The following ITPR2 variants were observed in gnomAD, a reference collection of about 807,000 sequenced individuals.
ITPR2 encodes the protein inositol 1,4,5-trisphosphate receptor type 2.
In ITPR2, 207 loss-of-function variants were observed where a neutral mutation model predicts 317.1. That is an observed-to-expected ratio of 0.65 (90% CI 0.58 to 0.73). ITPR2 has a LOEUF of 0.73. ITPR2 is among the 30% of genes least tolerant of loss of function. The probability of loss-of-function intolerance (pLI) is 0.00; values close to 1 mark genes in which losing one functional copy is unlikely to be tolerated. For missense variants in ITPR2, 2,613 were observed against 3,284.0 expected, an observed-to-expected ratio of 0.80 and a Z score of 4.99; for synonymous variants, 1,156 against 1,149.1, an observed-to-expected ratio of 1.01 and a Z score of -0.12.
At chr12:26,394,875 GA>G (rs1939948615) in intron 54 of ITPR2, among the ~76,000 whole-genome samples, 1 of 151,956 alleles carries the variant, frequency 6.6e-6, no homozygotes, top group Non-Finnish European at 1.5e-5. Context: ...ACCTGGAAGA[GA>G]AAAAAGGAGA....
intron 55 of ITPR2, among the ~76,000 whole-genome samples, chr12:26,345,640 C>CTT (rs1209232723): frequency 7.9e-5 from 12 of 152,200 alleles, no homozygotes; most frequent in Admixed American, 7.9e-4. Context: ...TAGCAGCATT[C>CTT]TTACACAGTG....
At chr12:26,478,043 G>A (rs1942456894) in intron 43 of ITPR2, among the ~76,000 whole-genome samples, 2 of 152,148 alleles carry the variant, frequency 1.3e-5, no homozygotes, top group South Asian at 4.1e-4. Context: ...ATCATAGAAT[G>A]AAAATTAAAC....
chr12:26,706,362 T>C (rs975761337), intron 9 of ITPR2, among the ~76,000 whole-genome samples: 2 of 152,174 alleles, frequency 1.3e-5, no homozygotes, highest in Admixed American at 1.3e-4. Context: ...CTCCTTGATA[T>C]ATATGGCCTG....
chr12:26,662,776 G>T (rs1947531690), intron 15 of ITPR2, among the ~76,000 whole-genome samples: 3 of 152,122 alleles, frequency 2.0e-5, no homozygotes, highest in African/African-American at 7.2e-5. Context: ...AGGCTGAAGT[G>T]ATCCTCCAGC....
intron 37 of ITPR2, among the ~76,000 whole-genome samples, chr12:26,532,427 C>T (rs1943968032): frequency 6.6e-6 from 1 of 152,190 alleles, no homozygotes; most frequent in South Asian, 2.1e-4. Flanking sequence ...GTTGCACAGG[C>T]TGGAGTGCAA....
chr12:26,641,181 T>C (rs995230638), intron 21 of ITPR2, among the ~76,000 whole-genome samples: 1 of 152,026 alleles, frequency 6.6e-6, no homozygotes, highest in African/African-American at 2.4e-5. Context: ...AGACTTGCAA[T>C]TGAAACTTTT....
At chr12:26,728,946 C>A (rs1391806396) in intron 2 of ITPR2, among the ~76,000 whole-genome samples, 1 of 152,122 alleles carries the variant, frequency 6.6e-6, no homozygotes, top group Non-Finnish European at 1.5e-5. Context: ...GGATATTAGA[C>A]CTTTGTTGGA....
At chr12:26,351,944 A>G (rs1938495597) in intron 55 of ITPR2, among the ~76,000 whole-genome samples, 1 of 152,254 alleles carries the variant, frequency 6.6e-6, no homozygotes, top group Admixed American at 6.5e-5. Context: ...GCTGAGATAG[A>G]CAAAAACTAG....
chr12:26,437,158 A>G (rs1337439385), intron 47 of ITPR2, among the ~76,000 whole-genome samples: 1 of 152,224 alleles, frequency 6.6e-6, no homozygotes, highest in Non-Finnish European at 1.5e-5. Context: ...AATGACAGCC[A>G]AATCTACTAG....
intron 55 of ITPR2, among the ~76,000 whole-genome samples, chr12:26,353,482 G>C (rs1289295239): frequency 6.6e-6 from 1 of 152,184 alleles, no homozygotes; most frequent in African/African-American, 2.4e-5. Context: ...CTCTTACAGA[G>C]GGGTCTGCCC....
chr12:26,745,170 G>A (rs548913024), intron 2 of ITPR2, among the ~76,000 whole-genome samples: 6 of 152,174 alleles, frequency 3.9e-5, no homozygotes, highest in East Asian at 1.9e-4. Context: ...CTCCTTGCCC[G>A]CTAGATGAAA....
chr12:26,823,193 C>T (rs181387578), intron 1 of ITPR2, among the ~76,000 whole-genome samples: 1 of 152,248 alleles, frequency 6.6e-6, no homozygotes, highest in African/African-American at 2.4e-5. Flanking sequence ...CCTGACATTG[C>T]AGTTACTCAA....
At chr12:26,691,728 T>G (rs933552046) in intron 10 of ITPR2, among the ~76,000 whole-genome samples, 1 of 152,020 alleles carries the variant, frequency 6.6e-6, no homozygotes, top group African/African-American at 2.4e-5. Flanking sequence ...TCATCAAATT[T>G]TTAGCACAGA....
At chr12:26,538,569 CTTTT>C (rs1239549558) in intron 37 of ITPR2, among the ~76,000 whole-genome samples, 1 of 135,130 alleles carries the variant, frequency 7.4e-6, no homozygotes, top group Non-Finnish European at 1.6e-5. Flanking sequence ...ATTTTTTTTT[CTTTT>C]TTTCTTTTTT....
chr12:26,388,852 C>T (rs1431282499), intron 54 of ITPR2, among the ~76,000 whole-genome samples: 1 of 152,150 alleles, frequency 6.6e-6, no homozygotes, highest in Admixed American at 6.5e-5. Flanking sequence ...TCAGCATGCC[C>T]AAATAAACTA....
At chr12:26,375,924 C>G (rs995982997) in intron 55 of ITPR2, among the ~76,000 whole-genome samples, 1 of 152,184 alleles carries the variant, frequency 6.6e-6, no homozygotes, top group African/African-American at 2.4e-5. Flanking sequence ...CATGGAAAAA[C>G]CCCGCCTCAA....
intron 37 of ITPR2, among the ~76,000 whole-genome samples, chr12:26,545,976 T>C (rs539302071): frequency 6.6e-6 from 1 of 152,358 alleles, no homozygotes; most frequent in African/African-American, 2.4e-5. Context: ...ATAGAAATAC[T>C]TCTCATTTCA....
At chr12:26,828,014 T>G (rs992049820) in intron 1 of ITPR2, among the ~76,000 whole-genome samples, 3 of 152,250 alleles carry the variant, frequency 2.0e-5, no homozygotes, top group African/African-American at 7.2e-5. Context: ...CTTTTCTTTC[T>G]GTCTCTATCA....
At chr12:26,650,601 C>T (rs1203133109) in intron 21 of ITPR2, among the ~76,000 whole-genome samples, 1 of 151,918 alleles carries the variant, frequency 6.6e-6, no homozygotes, top group Non-Finnish European at 1.5e-5. Flanking sequence ...CCTAAAACTG[C>T]TCTAAAAAAA....
Sources: allele counts gnomAD v4.1 joint callset (sites outside exome capture counted in the v4.1 genomes callset), GRCh38; gene constraint gnomAD v4.1.1; transcripts MANE v1.5; gene names NCBI Gene and HGNC (gene_info 2026-07-23, HGNC 2026-07-21).